The following ATRNL1 variants were observed in gnomAD, a reference collection of about 807,000 sequenced individuals.
ATRNL1 encodes the protein attractin like 1.
A neutral mutation model predicts 182.7 loss-of-function variants in ATRNL1; 95 were observed. That is an observed-to-expected ratio of 0.52 (90% CI 0.44 to 0.62). The LOEUF (loss-of-function observed/expected upper bound fraction) is 0.62, where lower values mean the gene tolerates loss of function less well. ATRNL1 is among the 20% of genes least tolerant of loss of function. The pLI, the probability that ATRNL1 is intolerant of heterozygous loss-of-function variation, is 0.00. For synonymous variants in ATRNL1, 576 were observed against 568.3 expected (o/e 1.01, Z -0.19); for missense variants, 1,471 against 1,679.5 (o/e 0.88, Z 2.17).
At chr10:115,278,474 T>C (rs1443013994) in intron 13 of ATRNL1, among the ~76,000 whole-genome samples, 2 of 152,250 alleles carry the variant, frequency 1.3e-5, no homozygotes, top group Non-Finnish European at 2.9e-5. Flanking sequence ...AGGAACATCT[T>C]GATTGGCTAC....
intron 28 of ATRNL1, among the ~76,000 whole-genome samples, chr10:115,933,719 T>C (rs537574355): frequency 6.6e-6 from 1 of 152,322 alleles, no homozygotes; most frequent in South Asian, 2.1e-4. Context: ...CCATGGAATT[T>C]TGGGACTTTT....
At chr10:115,899,179 T>C (rs1264589632) in intron 28 of ATRNL1, among the ~76,000 whole-genome samples, 1 of 152,108 alleles carries the variant, frequency 6.6e-6, no homozygotes, top group Non-Finnish European at 1.5e-5. Context: ...ATTGTTCAAT[T>C]CCCATCTATG....
At chr10:115,344,025 A>G (rs937121870) in intron 19 of ATRNL1, among the ~76,000 whole-genome samples, 4 of 152,170 alleles carry the variant, frequency 2.6e-5, no homozygotes, top group Non-Finnish European at 4.4e-5. Context: ...CTGGGGGTGG[A>G]GTGACAAAAG....
intron 9 of ATRNL1, among the ~76,000 whole-genome samples, chr10:115,229,252 G>T (rs1194978367): frequency 1.3e-5 from 2 of 152,054 alleles, no homozygotes; most frequent in African/African-American, 2.4e-5. Flanking sequence ...TGATATAATA[G>T]AAGTTGTTTT....
intron 26 of ATRNL1, among the ~76,000 whole-genome samples, chr10:115,551,237 A>G (rs968362680): frequency 4.0e-5 from 6 of 151,676 alleles, no homozygotes; most frequent in Non-Finnish European, 8.9e-5. Context: ...CAAAATGACA[A>G]ATTGATTTTG....
chr10:115,864,918 C>T (rs1951401854), intron 28 of ATRNL1, among the ~76,000 whole-genome samples: 1 of 151,088 alleles, frequency 6.6e-6, no homozygotes, highest in Admixed American at 6.6e-5. Flanking sequence ...GGAGGCGGAG[C>T]TTGCAGTGAG....
intron 21 of ATRNL1, among the ~76,000 whole-genome samples, chr10:115,449,197 A>G (rs1554967203): frequency 6.6e-6 from 1 of 152,158 alleles, no homozygotes. Context: ...TTCTGTACCC[A>G]TAAAAACCAC....
At chr10:115,226,356 T>C (rs1434240588) in intron 9 of ATRNL1, among the ~76,000 whole-genome samples, 3 of 152,102 alleles carry the variant, frequency 2.0e-5, no homozygotes, top group Admixed American at 1.3e-4. Flanking sequence ...GAAAGATTTC[T>C]TAAATGGAAT....
In ATRNL1 at chr10:115,912,416, TTGTGTG is replaced by T. The variant is rs35956227; in HGVS notation, c.4019-32223_4019-32218del. ...GTGAAATACATATATATATATATAT[TTGTGTG>T]TGTGTGTGTGTGTGTGTGCATATGA... On this transcript the variant is annotated intron_variant, in intron 28 of 28. Transcript: ENST00000355044. Among the ~76,000 whole-genome samples, 33 of 148,188 alleles carry T rather than the reference TTGTGTG, an allele frequency of 2.2e-4. 2 individuals carry two copies. In the South Asian group the frequency reaches 6.9e-3, roughly 31 times the overall value.
intron 26 of ATRNL1, among the ~76,000 whole-genome samples, chr10:115,618,217 A>G (rs1475738290): frequency 6.6e-6 from 1 of 152,128 alleles, no homozygotes; most frequent in African/African-American, 2.4e-5. Flanking sequence ...GGACTAATAT[A>G]ATGCTATTCT....
At chr10:115,857,473 G>C (rs1951215641) in intron 28 of ATRNL1, among the ~76,000 whole-genome samples, 1 of 152,138 alleles carries the variant, frequency 6.6e-6, no homozygotes, top group African/African-American at 2.4e-5. Context: ...ACATCAAAAT[G>C]CTCTTTATAA....
chr10:115,797,572 G>A (rs1262617209), intron 27 of ATRNL1, among the ~76,000 whole-genome samples: 2 of 149,496 alleles, frequency 1.3e-5, no homozygotes, highest in Non-Finnish European at 3.0e-5. Context: ...CTGCATCATG[G>A]AATGTACATG....
At chr10:115,249,959 T>C (rs1330839572) in intron 10 of ATRNL1, among the ~76,000 whole-genome samples, 6 of 152,212 alleles carry the variant, frequency 3.9e-5, no homozygotes, top group African/African-American at 1.4e-4. Context: ...AAACACATTA[T>C]ATTTATTTAG....
At chr10:115,789,970 A>G (rs1555081318) in intron 27 of ATRNL1, among the ~76,000 whole-genome samples, 1 of 152,234 alleles carries the variant, frequency 6.6e-6, no homozygotes, top group Non-Finnish European at 1.5e-5. Context: ...AAAGGCATTA[A>G]TTATAGAAGA....
intron 6 of ATRNL1, among the ~76,000 whole-genome samples, chr10:115,164,178 T>C (rs1390061947): frequency 6.6e-6 from 1 of 152,184 alleles, no homozygotes; most frequent in Non-Finnish European, 1.5e-5. Context: ...GGGACTTCAG[T>C]TTTCATATGT....
At chr10:115,321,671 C>CTTT (rs528619167) in intron 18 of ATRNL1, among the ~76,000 whole-genome samples, 9 of 125,766 alleles carry the variant, frequency 7.2e-5, no homozygotes, top group East Asian at 4.9e-4. Context: ...AAGGTGAAAG[C>CTTT]TTTTTTTTTT....
intron 26 of ATRNL1, among the ~76,000 whole-genome samples, chr10:115,685,826 A>C (rs1238120648): frequency 6.6e-6 from 1 of 151,712 alleles, no homozygotes; most frequent in Non-Finnish European, 1.5e-5. Context: ...CCTATATTAT[A>C]TTTTGCATGT....
chr10:115,922,256 A>T (rs970427085), intron 28 of ATRNL1, among the ~76,000 whole-genome samples: 6 of 152,216 alleles, frequency 3.9e-5, no homozygotes, highest in African/African-American at 1.4e-4. Context: ...ATTTGTCAAC[A>T]GGGATCTGTA....
chr10:115,610,722 C>T (rs573217745), intron 26 of ATRNL1, among the ~76,000 whole-genome samples: 33 of 152,112 alleles, frequency 2.2e-4, no homozygotes, highest in Non-Finnish European at 3.4e-4. Flanking sequence ...TTGAACAGTG[C>T]TTACCTTGCC....
Sources: gnomAD v4.1 joint callset for allele counts (sites outside exome capture counted in the v4.1 genomes callset) on GRCh38, gnomAD v4.1.1 for gene constraint, MANE v1.5 for transcripts, NCBI Gene and HGNC (gene_info 2026-07-23, HGNC 2026-07-21) for gene names.